EMILIN2: variants seen among roughly 807,000 people sequenced by gnomAD.
EMILIN2 encodes EMILIN-2.
In EMILIN2, 71 loss-of-function variants were observed where a neutral mutation model predicts 87.1. That is an observed-to-expected ratio of 0.82 (90% confidence interval 0.67 to 0.99). The LOEUF (loss-of-function observed/expected upper bound fraction) is 0.99, where lower values mean the gene tolerates loss of function less well. Among genes scored for constraint, EMILIN2 ranks in the 50% least tolerant of loss-of-function variants. The pLI, the probability that EMILIN2 is intolerant of heterozygous loss-of-function variation, is 0.00. For missense variants in EMILIN2, 1,407 were observed against 1,371.8 expected, an observed-to-expected ratio of 1.03 and a Z score of -0.40; for synonymous variants, 581 against 563.4, an observed-to-expected ratio of 1.03 and a Z score of -0.44.
At chr18:2,905,778 TTTTTG>T (rs1480713600) in intron 4 of EMILIN2, among the ~76,000 whole-genome samples, 3,711 of 106,846 alleles carry the variant, frequency 0.035, 153 homozygotes, top group East Asian at 0.14. Flanking sequence ...AATTTTTGTT[TTTTTG>T]TTTTTTTTTT....
intron 2 of EMILIN2, among the ~76,000 whole-genome samples, chr18:2,860,691 TA>T (rs2076656518): frequency 6.6e-6 from 1 of 152,238 alleles, no homozygotes; most frequent in Non-Finnish European, 1.5e-5. Flanking sequence ...AGTGCCACAA[TA>T]AACATACATG....
chr18:2,907,890 A>G (rs563254874), intron 5 of EMILIN2, among the ~76,000 whole-genome samples: 15 of 152,334 alleles, frequency 9.8e-5, no homozygotes, highest in African/African-American at 3.6e-4. Flanking sequence ...AATGCAAACC[A>G]GTCAGTCCCC....
chr18:2,850,978 G>T (rs1223112659), intron 2 of EMILIN2, among the ~76,000 whole-genome samples: 1 of 151,970 alleles, frequency 6.6e-6, no homozygotes, highest in East Asian at 1.9e-4. Flanking sequence ...GCAGAAAGAG[G>T]CCATTCAGGT....
intron 2 of EMILIN2, 29 bp from the exon 3 acceptor site, chr18:2,884,933 TAA>T (rs2076795546): frequency 6.4e-7 from 1 of 1,550,878 alleles, no homozygotes; most frequent in Non-Finnish European, 8.7e-7. Context: ...CGGCAGCCAG[TAA>T]AGAGAGATGC....
At chr18:2,892,624 G>A in intron 4 of EMILIN2, 138 bp downstream of exon 4, 1 of 1,246,204 alleles carries the variant, frequency 8.0e-7, no homozygotes, top group Non-Finnish European at 1.1e-6. Context: ...CTAGATTTTG[G>A]ACAGTTCACG....
chr18:2,858,597 A>ATGTG (rs1568454350), intron 2 of EMILIN2, among the ~76,000 whole-genome samples: 1 of 109,748 alleles, frequency 9.1e-6, no homozygotes, highest in African/African-American at 5.2e-5. Context: ...ATATATATAT[A>ATGTG]TATATGTGTA....
intron 4 of EMILIN2, chr18:2,906,207 C>T (rs940826258): frequency 2.0e-5 from 3 of 152,220 alleles, no homozygotes; most frequent in African/African-American, 4.8e-5. Flanking sequence ...GGCGCCTTCC[C>T]CAGAGGGCCG....
intron 3 of EMILIN2, among the ~76,000 whole-genome samples, chr18:2,888,435 G>A (rs1005064952): frequency 2.6e-5 from 4 of 152,018 alleles, no homozygotes; most frequent in Non-Finnish European, 5.9e-5. Context: ...GAGAATAACG[G>A]CCGGGCGCGG....
Position 2,847,077 on chromosome 18 carries a change from C to A in EMILIN2, c.-112C>A. ...ACTGGTTGGAGCGCCGCGAAGCGCC[C>A]GAGCCTCTTGCCTTCGCGGGCGGCG... On this transcript the variant is annotated 5_prime_UTR_variant, in exon 1 of 8. Coordinates refer to ENST00000254528, the MANE Select transcript of EMILIN2 (RefSeq NM_032048.3). This position sits in a 1 kb window ranked among gnomAD's most constrained non-coding sequence, Gnocchi z 4.5. 1.8e-6 allele frequency: 2 copies of A among 1,083,514 alleles called. No homozygotes were observed. The highest frequency in any genetic ancestry group is 2.3e-6 in the Non-Finnish European group (2 of 884,936). 67.1% of individuals were successfully genotyped at this position (1,083,514 alleles called of 1,614,324 possible). A position where few individuals can be genotyped will look rare whatever the true frequency, so the allele number is the denominator to read the frequency against.
At chr18:2,867,271 T>C (rs112375830) in intron 2 of EMILIN2, among the ~76,000 whole-genome samples, 182 of 152,226 alleles carry the variant, frequency 1.2e-3, no homozygotes, top group African/African-American at 4.3e-3. Flanking sequence ...ATAGGATTGG[T>C]ACCAATTCTT....
intron 2 of EMILIN2, among the ~76,000 whole-genome samples, chr18:2,879,463 A>C (rs2076765839): frequency 6.6e-6 from 1 of 152,118 alleles, no homozygotes; most frequent in African/African-American, 2.4e-5. Context: ...GTTCGAGACC[A>C]GCCTGACCAA....
At chr18:2,885,244 C>T (rs763657955) in intron 3 of EMILIN2, 105 bp downstream of exon 3, 286 of 1,249,880 alleles carry the variant, frequency 2.3e-4, no homozygotes, top group Non-Finnish European at 2.9e-4. Flanking sequence ...GAATGGCCTT[C>T]GAATAACACA....
chr18:2,897,234 C>G (rs1316133746), intron 4 of EMILIN2, among the ~76,000 whole-genome samples: 1 of 152,214 alleles, frequency 6.6e-6, no homozygotes, highest in East Asian at 1.9e-4. Flanking sequence ...GGAGTGATTA[C>G]TTCCGTTGAA....
chr18:2,851,357 CCCAGGAGTT>C (rs1369978398), intron 2 of EMILIN2, among the ~76,000 whole-genome samples: 1 of 152,090 alleles, frequency 6.6e-6, no homozygotes, highest in Non-Finnish European at 1.5e-5. Context: ...ATTGCTTGAG[CCCAGGAGTT>C]CGAGGCTGCA....
At position 2,875,103 on chromosome 18, in the gene EMILIN2, G is replaced by A. The variant is rs376496051; in HGVS notation, c.258-9861G>A. Among the ~76,000 whole-genome samples, 113 of 152,316 alleles carry A rather than the reference G, an allele frequency of 7.4e-4. 2 individuals carry two copies. In the South Asian group the frequency reaches 0.022, roughly 30 times the overall value. On this transcript the variant is annotated intron_variant, in intron 2 of 7. Transcript: ENST00000254528. ...TGACCAAAGTCCTTGAAGAGGGAGG[G>A]GTGCCGGTGCTGCAAACCAGTGAAA...
intron 3 of EMILIN2, among the ~76,000 whole-genome samples, chr18:2,889,576 TC>T (rs926713829): frequency 1.3e-5 from 2 of 152,044 alleles, no homozygotes; most frequent in Admixed American, 1.3e-4. Flanking sequence ...TCACTATCAT[TC>T]CCCCCTTATT....
At chr18:2,857,793 C>A (rs1598485319) in intron 2 of EMILIN2, among the ~76,000 whole-genome samples, 1 of 152,216 alleles carries the variant, frequency 6.6e-6, no homozygotes, top group African/African-American at 2.4e-5. Flanking sequence ...TTATGTCAGG[C>A]ATCTCTGACC....
In EMILIN2 at chr18:2,891,316, TG is replaced by T; in HGVS notation, c.1190del (p.Cys397SerfsTer30). The T allele has an allele frequency of 6.2e-7, 1 of 1,614,178 alleles. No individual in the cohort carries two copies. Among genetic ancestry groups the T allele is most frequent in the Non-Finnish European group, 8.5e-7 (1 of 1,180,026 alleles). ...GGAGCCTTCAGCCCAGGCAAATTGC[TG>T]CGACAGTGAAAAGAATGGTGACATT... is the stretch of plus-strand genomic sequence containing the variant. Reference protein sequence around the residue: ...LQEPSAQANCCDSEKNGDIGQ... With the variant: ...LQEPSAQANCXDSEKNGDIGQ... On this transcript the variant is annotated frameshift_variant, in exon 4 of 8. Transcript: ENST00000254528. LOFTEE classifies it high-confidence loss of function. This position sits in a 1 kb window ranked among gnomAD's most constrained non-coding sequence, Gnocchi z 4.6.
Position 2,906,996 on chromosome 18 carries a change from G to C in EMILIN2, c.2573G>C (p.Gly858Ala). The change falls in exon 5 of 8, where the codon GGC (glycine) becomes GCC (alanine). Residue 858 changes from glycine to alanine, a missense_variant. Gly to Ala is a moderately conservative substitution (Grantham distance 60, BLOSUM62 0). Transcript: ENST00000254528. ...TGQAGPPAGAGVSGRGLPRGV... is the reference protein window; with the variant it reads ...TGQAGPPAGAAVSGRGLPRGV... ...CAGGCCGGGCCCCCCGCAGGCGCAG[G>C]CGTGTCTGGGCGGGGTCTGCCGCGG... The C allele has an allele frequency of 7.3e-7, 1 of 1,368,350 alleles. No individual in the cohort carries two copies. The highest frequency in any genetic ancestry group is 9.4e-7 in the Non-Finnish European group (1 of 1,060,044). 84.8% of individuals were successfully genotyped at this position (1,368,350 alleles called of 1,614,324 possible).
Sources: gnomAD v4.1 joint callset for allele counts (sites outside exome capture counted in the v4.1 genomes callset) on GRCh38, gnomAD v4.1.1 for gene constraint, Gnocchi (gnomAD v3.1) non-coding constraint, MANE v1.5 for transcripts, NCBI Gene and HGNC (gene_info 2026-07-23, HGNC 2026-07-21) for gene names.